FCHSD2: variants seen among roughly 807,000 people sequenced by gnomAD.
FCHSD2 encodes the protein FCH and double SH3 domains 2, also known as F-BAR and double SH3 domains protein 2.
Under a neutral mutation model 108.1 loss-of-function variants are expected in FCHSD2, and 38 were observed. The ratio of observed to expected loss-of-function variants is 0.35; its 90% confidence interval spans 0.27 to 0.46. FCHSD2 has a LOEUF of 0.46. Among genes scored for constraint, FCHSD2 ranks in the 20% least tolerant of loss-of-function variants. The probability of loss-of-function intolerance (pLI) is 1.00; values close to 1 mark genes in which losing one functional copy is unlikely to be tolerated. For missense variants in FCHSD2, 751 were observed against 897.8 expected (o/e 0.84, Z 2.09); for synonymous variants, 279 against 314.7 (o/e 0.89, Z 1.20).
chr11:72,988,409 A>C (rs1171909663), intron 6 of FCHSD2, among the ~76,000 whole-genome samples: 1 of 152,194 alleles, frequency 6.6e-6, no homozygotes, highest in African/African-American at 2.4e-5. Context: ...CTTATAATTC[A>C]CATATATTGA....
chr11:73,080,912 C>G (rs1292874745), intron 3 of FCHSD2, among the ~76,000 whole-genome samples: 2 of 151,754 alleles, frequency 1.3e-5, no homozygotes, highest in Admixed American at 6.6e-5. Context: ...CTACTGCACT[C>G]TAGTTTTTCC....
intron 8 of FCHSD2, among the ~76,000 whole-genome samples, chr11:72,972,521 C>A (rs1400420005): frequency 4.6e-5 from 7 of 152,154 alleles, no homozygotes; most frequent in Admixed American, 4.6e-4. Flanking sequence ...CAAACTTTAA[C>A]CAAATAACTT....
intron 5 of FCHSD2, among the ~76,000 whole-genome samples, 166 bp from the exon 6 acceptor site, chr11:72,989,263 C>A (rs1857366652): frequency 6.6e-6 from 1 of 152,126 alleles, no homozygotes; most frequent in Non-Finnish European, 1.5e-5. Flanking sequence ...GAATTAAAAT[C>A]CTGGTATTTC....
chr11:72,923,454 C>A (rs1856012794), intron 8 of FCHSD2, among the ~76,000 whole-genome samples: 1 of 152,100 alleles, frequency 6.6e-6, no homozygotes, highest in Non-Finnish European at 1.5e-5. Context: ...CCCTTGCCAA[C>A]ACTTATTCTT....
chr11:72,927,007 CTT>C (rs1173244183), intron 8 of FCHSD2, among the ~76,000 whole-genome samples: 4 of 152,146 alleles, frequency 2.6e-5, no homozygotes, highest in Non-Finnish European at 5.9e-5. Context: ...TTGAACCACT[CTT>C]TTTAAAAAGG....
intron 12 of FCHSD2, among the ~76,000 whole-genome samples, chr11:72,878,124 A>G (rs1370083936): frequency 6.6e-6 from 1 of 152,088 alleles, no homozygotes; most frequent in African/African-American, 2.4e-5. Context: ...GTTCAATAAA[A>G]TCCCTCTGGC....
At chr11:73,012,532 C>T (rs1317438961) in intron 4 of FCHSD2, among the ~76,000 whole-genome samples, 2 of 152,068 alleles carry the variant, frequency 1.3e-5, no homozygotes, top group Admixed American at 6.5e-5. Context: ...AATATAAATA[C>T]GAAAAAGTTA....
intron 8 of FCHSD2, among the ~76,000 whole-genome samples, chr11:72,961,736 T>C (rs1213122452): frequency 2.0e-5 from 3 of 152,216 alleles, no homozygotes; most frequent in African/African-American, 7.2e-5. Context: ...CATTTTTGTT[T>C]ATAGTTAATC....
At chr11:73,091,072 A>T (rs916075969) in intron 2 of FCHSD2, among the ~76,000 whole-genome samples, 2 of 152,348 alleles carry the variant, frequency 1.3e-5, no homozygotes, top group East Asian at 3.9e-4. Context: ...AGGTTTATCC[A>T]AGTTGTAGTA....
chr11:73,129,467 G>A (rs1039128751), intron 2 of FCHSD2, among the ~76,000 whole-genome samples: 1 of 152,130 alleles, frequency 6.6e-6, no homozygotes, highest in Non-Finnish European at 1.5e-5. Flanking sequence ...AGATTCTCAT[G>A]GCACGAACCC....
At chr11:73,088,905 A>G (rs1001129052) in intron 2 of FCHSD2, among the ~76,000 whole-genome samples, 1 of 152,218 alleles carries the variant, frequency 6.6e-6, no homozygotes, top group Non-Finnish European at 1.5e-5. Context: ...TTAAGTTTAT[A>G]CATAACTCAT....
chr11:72,848,720 TGAATG>T (rs1219342801), intron 14 of FCHSD2, among the ~76,000 whole-genome samples: 1 of 152,200 alleles, frequency 6.6e-6, no homozygotes, highest in Non-Finnish European at 1.5e-5. Flanking sequence ...GAGGGAATGT[TGAATG>T]AATGTGAACT....
At chr11:72,844,893 A>G (rs1294899097) in intron 14 of FCHSD2, among the ~76,000 whole-genome samples, 1 of 152,202 alleles carries the variant, frequency 6.6e-6, no homozygotes, top group African/African-American at 2.4e-5. Flanking sequence ...CTGAGACAGA[A>G]AAATAATATT....
chr11:73,010,332 A>T (rs185612500), intron 4 of FCHSD2, among the ~76,000 whole-genome samples: 1 of 152,100 alleles, frequency 6.6e-6, no homozygotes, highest in African/African-American at 2.4e-5. Flanking sequence ...GTTTTTCAGA[A>T]TTTTCTTGTA....
chr11:72,994,487 G>A (rs775432885), intron 5 of FCHSD2, among the ~76,000 whole-genome samples: 3 of 152,098 alleles, frequency 2.0e-5, no homozygotes, highest in Non-Finnish European at 2.9e-5. Flanking sequence ...TGAGTCACAC[G>A]GCAAGGATGT....
At chr11:72,900,452 A>C in intron 10 of FCHSD2, 1 of 648,768 alleles carries the variant, frequency 1.5e-6, no homozygotes, top group Non-Finnish European at 2.7e-6. Flanking sequence ...TTAGGGCTGC[A>C]GTTGGGCTGG....
chr11:72,947,721 ATTAG>A (rs1181584287), intron 8 of FCHSD2, among the ~76,000 whole-genome samples: 2 of 96,732 alleles, frequency 2.1e-5, no homozygotes, highest in African/African-American at 7.7e-5. Flanking sequence ...TGATAAAATC[ATTAG>A]TTAAAAAAAA....
chr11:73,000,423 G>C (rs1857603359), intron 5 of FCHSD2, among the ~76,000 whole-genome samples: 1 of 152,016 alleles, frequency 6.6e-6, no homozygotes, highest in South Asian at 2.1e-4. Context: ...GTCACATTAA[G>C]CAATGCCATT....
rs758309188 is a variant in FCHSD2 at position 72,841,470 on chromosome 11, C to T, written c.2040G>A (p.Arg680=). 1.9e-6 allele frequency: 3 copies of T among 1,610,216 alleles called. No individual in the cohort carries two copies. Among genetic ancestry groups the T allele is most frequent in the Admixed American group, 3.4e-5 (2 of 59,452 alleles). Reference sequence around the variant, plus strand: ...AACCCTTACCGTTTGCTGAAGGAGACCGGGGAAAGTACAGGGAGCTCCTCT... The same window carrying T: ...AACCCTTACCGTTTGCTGAAGGAGATCGGGGAAAGTACAGGGAGCTCCTCT... ...PDKRSSLYFP[R]SPSANEKSLH... is the part of the protein sequence containing the mutation. The change falls in exon 18 of 20, where the codon CGG becomes CGA. Residue 680 remains arginine (R), a synonymous_variant. Coordinates refer to ENST00000409418, the MANE Select transcript of FCHSD2 (RefSeq NM_014824.3).
Sources: gnomAD v4.1 joint callset for allele counts (sites outside exome capture counted in the v4.1 genomes callset) on GRCh38, gnomAD v4.1.1 for gene constraint, MANE v1.5 for transcripts, NCBI Gene and HGNC (gene_info 2026-07-23, HGNC 2026-07-21) for gene names.